Variants in RBFOX3 observed in about 807,000 individuals in gnomAD.
RBFOX3 encodes RNA binding protein fox-1 homolog 3.
RBFOX3 carries 17 observed loss-of-function variants against 48.7 expected under a neutral mutation model. The ratio of observed to expected loss-of-function variants is 0.35; its 90% CI spans 0.24 to 0.52. RBFOX3 has a LOEUF of 0.52. Among genes scored for constraint, RBFOX3 ranks in the 20% least tolerant of loss-of-function variants. The pLI, the probability that RBFOX3 is intolerant of heterozygous loss-of-function variation, is 0.94. For synonymous variants in RBFOX3, 212 were observed against 209.5 expected (o/e 1.01, Z -0.10); for missense variants, 382 against 497.5 (o/e 0.77, Z 2.21).
At chr17:79,264,974 G>T (rs946667268) in intron 3 of RBFOX3, among the ~76,000 whole-genome samples, 6 of 151,946 alleles carry the variant, frequency 3.9e-5, no homozygotes, top group Non-Finnish European at 5.9e-5. Flanking sequence ...GAGGGGGGGG[G>T]GGCGCAGATT....
In RBFOX3 at chr17:79,204,578, A is replaced by G; in HGVS notation, c.-34+31188T>C. On this transcript the variant is annotated intron_variant, in intron 4 of 14. Coordinates refer to ENST00000693108, the MANE Select transcript of RBFOX3 (RefSeq NM_001350451.2). This position sits in a 1 kb window ranked among gnomAD's most constrained non-coding sequence, Gnocchi z 4.5. ...GGTCCGAAGGCCCCAGATGCTGTGA[A>G]CAGAGAACCCACTAGATGACTCTGT... 6.6e-6 allele frequency among the ~76,000 whole-genome samples: 1 copy of G among 152,116 alleles called. No homozygotes were observed. The highest frequency in any genetic ancestry group is 1.9e-4 in the East Asian group (1 of 5,200).
intron 2 of RBFOX3, among the ~76,000 whole-genome samples, chr17:79,434,971 G>T (rs542735831): frequency 6.6e-6 from 1 of 152,176 alleles, no homozygotes; most frequent in Non-Finnish European, 1.5e-5. Context: ...AGTAAAAAAC[G>T]TGTGTGAATC....
At chr17:79,155,903 G>A (rs1001893046) in intron 4 of RBFOX3, among the ~76,000 whole-genome samples, 5 of 152,212 alleles carry the variant, frequency 3.3e-5, no homozygotes, top group Admixed American at 1.3e-4. Context: ...CACGGGGCTC[G>A]GGTGTCAGGC....
intron 3 of RBFOX3, among the ~76,000 whole-genome samples, chr17:79,236,799 C>CGA (rs2147909683): frequency 6.6e-6 from 1 of 152,262 alleles, no homozygotes; most frequent in East Asian, 1.9e-4. Context: ...GGACTCCACA[C>CGA]GAGTGCCTGG....
intron 4 of RBFOX3, among the ~76,000 whole-genome samples, chr17:79,202,641 A>T (rs1409909283): frequency 6.6e-6 from 1 of 152,028 alleles, no homozygotes; most frequent in African/African-American, 2.4e-5. Flanking sequence ...AGCAGACACC[A>T]CCCCAGTCCC....
At chr17:79,660,804 G>A in the RBFOX3 span, among the ~76,000 whole-genome samples, 12 of 152,130 alleles carry the variant, frequency 7.9e-5, no homozygotes, top group Admixed American at 2.0e-4. Context: ...AATATAAATC[G>A]TTCTATTATA....
At chr17:79,518,010 C>T (rs1369515770) in intron 1 of RBFOX3, among the ~76,000 whole-genome samples, 5 of 152,206 alleles carry the variant, frequency 3.3e-5, no homozygotes, top group Non-Finnish European at 7.3e-5. Flanking sequence ...ATAAGACTAT[C>T]AGGTGTAATT....
rs1484176703 is a variant in RBFOX3, at chr17:79,391,916, G to GGAC, written c.-174-84093_-174-84092insGTC. Among the ~76,000 whole-genome samples, 10 of 152,118 alleles carry GGAC rather than the reference G, an allele frequency of 6.6e-5. No homozygotes were observed. The highest frequency in any genetic ancestry group is 2.4e-4 in the African/African-American group (10 of 41,414). ...CCCAGGTCCCCTCCTTCCCGGTTCT[G>GGAC]AAGCTCACAGGTCGCGGGTTTGCTG... On this transcript the variant is annotated intron_variant, in intron 2 of 14. Coordinates refer to ENST00000693108, the MANE Select transcript of RBFOX3 (RefSeq NM_001350451.2). The surrounding 1 kb of genome is among the most constrained non-coding windows in gnomAD (Gnocchi z 5.0).
chr17:79,095,246 G>A (rs575104967), intron 13 of RBFOX3, among the ~76,000 whole-genome samples: 4 of 151,940 alleles, frequency 2.6e-5, no homozygotes, highest in African/African-American at 7.3e-5. Context: ...CGGGGCTTGC[G>A]GGGGGCGGTG....
In RBFOX3 at chr17:79,481,414, GAT is replaced by G. The variant is rs1459156300; in HGVS notation, c.-175+1038_-175+1039del. Among the ~76,000 whole-genome samples the G allele has an allele frequency of 1.8e-3, 269 of 152,254 alleles. 2 individuals carry two copies. The highest frequency in any genetic ancestry group is 6.1e-3 in the African/African-American group (255 of 41,540). Reference sequence around the variant, plus strand: ...TGTCTGTCCCTGGTTCCTGGGAGGTGATCTCTAAAACTGCTGGGGTTTCCAAG... The same window carrying G: ...TGTCTGTCCCTGGTTCCTGGGAGGTGCTCTAAAACTGCTGGGGTTTCCAAG... On this transcript the variant is annotated intron_variant, in intron 2 of 14. Coordinates refer to ENST00000693108, the MANE Select transcript of RBFOX3 (RefSeq NM_001350451.2). The surrounding 1 kb of genome is among the most constrained non-coding windows in gnomAD (Gnocchi z 5.4).
rs1442104926 is a variant in RBFOX3, at chr17:79,364,552, C to T, written c.-174-56728G>A. ...GAGTGTGTTGACTGCACAGACACTG[C>T]GTGCAGCTCTGGGGATGAAAAGATG... On this transcript the variant is annotated intron_variant, in intron 2 of 14. Transcript: ENST00000693108. This position sits in a 1 kb window ranked among gnomAD's most constrained non-coding sequence, Gnocchi z 5.1. Among the ~76,000 whole-genome samples the T allele has an allele frequency of 6.6e-6, 1 of 152,188 alleles. No individual in the cohort carries two copies. The highest frequency in any genetic ancestry group is 1.5e-5 in the Non-Finnish European group (1 of 68,040).
intron 1 of RBFOX3, among the ~76,000 whole-genome samples, chr17:79,552,565 G>C (rs2091255147): frequency 6.6e-6 from 1 of 151,994 alleles, no homozygotes; most frequent in Non-Finnish European, 1.5e-5. Flanking sequence ...GTATCACCAG[G>C]GCCTGAACAG....
the RBFOX3 span, among the ~76,000 whole-genome samples, chr17:79,623,786 C>T: frequency 1.3e-5 from 2 of 149,072 alleles, no homozygotes; most frequent in Non-Finnish European, 2.9e-5. Flanking sequence ...TGCACCACTG[C>T]ACTCCAGCCT....
intron 1 of RBFOX3, among the ~76,000 whole-genome samples, chr17:79,536,760 G>A (rs532366522): frequency 4.2e-4 from 64 of 152,340 alleles, no homozygotes; most frequent in African/African-American, 1.3e-3. Context: ...TGTGGCTGCC[G>A]TAACAAATCA....
chr17:79,263,245 G>A (rs1239055718), intron 3 of RBFOX3, among the ~76,000 whole-genome samples: 1 of 152,368 alleles, frequency 6.6e-6, no homozygotes, highest in Middle Eastern at 3.4e-3. Flanking sequence ...AACACAGCAA[G>A]GGCAAACTTT....
upstream of RBFOX3, among the ~76,000 whole-genome samples, chr17:79,615,326 G>A (rs1038356408): frequency 3.9e-5 from 6 of 152,006 alleles, no homozygotes; most frequent in African/African-American, 1.2e-4. Context: ...ACCAGAGGAC[G>A]TGCTCTAACA....
chr17:79,259,742 G>A (rs372700467), intron 3 of RBFOX3, among the ~76,000 whole-genome samples: 137 of 152,242 alleles, frequency 9.0e-4, no homozygotes, highest in African/African-American at 3.1e-3. Context: ...GGACAGGCTC[G>A]GTGTGGCCTG....
the RBFOX3 span, among the ~76,000 whole-genome samples, chr17:79,621,042 A>G: frequency 6.8e-6 from 1 of 147,380 alleles, no homozygotes; most frequent in Non-Finnish European, 1.5e-5. Flanking sequence ...TCTGTTGCCC[A>G]GGTGGGAGTG....
At chr17:79,113,962 T>C (rs11868833) in intron 5 of RBFOX3, among the ~76,000 whole-genome samples, 28,746 of 152,014 alleles carry the variant, frequency 0.19, 2,864 homozygotes, top group East Asian at 0.25. Context: ...TCAGTTAGAG[T>C]GCTAGGTCCG....
Sources: allele counts gnomAD v4.1 joint callset (sites outside exome capture counted in the v4.1 genomes callset), GRCh38; gene constraint gnomAD v4.1.1; non-coding constraint Gnocchi (gnomAD v3.1); transcripts MANE v1.5; gene names NCBI Gene and HGNC (gene_info 2026-07-23, HGNC 2026-07-21).